Variants in SIPA1L3 observed in about 807,000 individuals in gnomAD.
SIPA1L3 encodes the protein signal induced proliferation associated 1 like 3.
Under a neutral mutation model 150.1 loss-of-function variants are expected in SIPA1L3, and 59 were observed. The observed-to-expected ratio is 0.39, with a 90% CI of 0.32 to 0.49. The LOEUF is 0.49. SIPA1L3 is among the 20% of genes least tolerant of loss of function. The probability of loss-of-function intolerance (pLI) is 0.86; values close to 1 mark genes in which losing one functional copy is unlikely to be tolerated. For synonymous variants in SIPA1L3, 1,070 were observed against 1,077.6 expected, an observed-to-expected ratio of 0.99 and a Z score of 0.14; for missense variants, 2,211 against 2,489.5, an observed-to-expected ratio of 0.89 and a Z score of 2.38.
intron 2 of SIPA1L3, among the ~76,000 whole-genome samples, chr19:38,070,556 T>C (rs998451716): frequency 4.6e-5 from 7 of 152,084 alleles, no homozygotes; most frequent in African/African-American, 1.7e-4. Flanking sequence ...GGATTTCGAG[T>C]GTTTGGTGCT....
intron 1 of SIPA1L3, among the ~76,000 whole-genome samples, chr19:37,959,310 T>C (rs2046837253): frequency 6.6e-6 from 1 of 152,180 alleles, no homozygotes. Flanking sequence ...CAGAATGCGA[T>C]ATAGACCCAC....
chr19:38,008,836 A>G (rs1281329249), intron 1 of SIPA1L3, among the ~76,000 whole-genome samples: 2 of 152,116 alleles, frequency 1.3e-5, no homozygotes, highest in South Asian at 2.1e-4. Context: ...CTGAGATTAC[A>G]GGCATGAGCC....
chr19:38,000,910 A>ATATATATG (rs370268710), intron 1 of SIPA1L3, among the ~76,000 whole-genome samples: 8 of 79,184 alleles, frequency 1.0e-4, no homozygotes, highest in African/African-American at 4.8e-4. Context: ...ATATATATAT[A>ATATATATG]ACATATATAT....
chr19:38,032,514 C>T (rs1034773218), intron 2 of SIPA1L3, among the ~76,000 whole-genome samples: 18 of 152,152 alleles, frequency 1.2e-4, no homozygotes, highest in Non-Finnish European at 1.5e-5. Flanking sequence ...AACGGACATC[C>T]TACTGGAGAA....
intron 19 of SIPA1L3, 143 bp from the exon 20 acceptor site, chr19:38,201,719 A>C (rs995219310): frequency 2.3e-6 from 2 of 865,740 alleles, no homozygotes; most frequent in African/African-American, 3.4e-5. Flanking sequence ...TTTTTTGGCA[A>C]GAATCTATCT....
intron 5 of SIPA1L3, 65 bp downstream of exon 5, chr19:38,100,215 CT>C (rs1970470603): frequency 8.0e-7 from 1 of 1,245,602 alleles, no homozygotes; most frequent in African/African-American, 1.6e-5. Flanking sequence ...CTCCTGGTAG[CT>C]TTTTCTATCT....
chr19:38,000,451 G>A (rs1320371794), intron 1 of SIPA1L3, among the ~76,000 whole-genome samples: 1 of 136,006 alleles, frequency 7.4e-6, no homozygotes, highest in African/African-American at 2.8e-5. Context: ...CTGGGCAACA[G>A]AGTGCACAGA....
chr19:38,130,438 G>T (rs547845127), intron 9 of SIPA1L3, 60 bp from the exon 10 acceptor site: 58 of 1,546,746 alleles, frequency 3.7e-5, no homozygotes, highest in South Asian at 2.3e-4. Context: ...GTGACCAGGG[G>T]TCTTCCAGAG....
In SIPA1L3 at chr19:38,193,720, C is replaced by T; in HGVS notation, c.4780C>T (p.His1594Tyr). 6.4e-7 allele frequency: 1 copy of T among 1,567,898 alleles called. No individual in the cohort carries two copies. Among genetic ancestry groups the T allele is most frequent in the South Asian group, 1.2e-5 (1 of 86,810 alleles). ...LPARRQHQHP[H>Y]PPVGPGATPA... is the part of the protein sequence containing the mutation. ...TGCACGCCGCCAGCACCAGCACCCC[C>T]ACCCGCCCGTCGGCCCCGGTGCCAC... The change falls in exon 18 of 22, where the codon CAC (histidine) becomes TAC (tyrosine). Residue 1594 changes from histidine (H) to tyrosine (Y), a missense_variant. By Grantham distance (83) the His-to-Tyr change is moderately conservative. Around this residue, in one of 5 missense-constraint regions of SIPA1L3, gnomAD observed 806 missense variants for 870.1 expected, o/e 0.93. Coordinates refer to ENST00000222345, the MANE Select transcript of SIPA1L3 (RefSeq NM_015073.3).
Position 38,047,805 on chromosome 19 carries a change from C to T in SIPA1L3, c.-311+18649C>T, listed in dbSNP as rs1467799078. ...GGCAGTCCAGATCCTGAAGTCCGAC[C>T]TTTGATTCAGGAACAGAGCAGCTGC... On this transcript the variant is annotated intron_variant, in intron 2 of 21. Transcript: ENST00000222345. The surrounding 1 kb of genome is among the most constrained non-coding windows in gnomAD (Gnocchi z 4.7). Among the ~76,000 whole-genome samples, 1 of 152,204 alleles carries T rather than the reference C, an allele frequency of 6.6e-6. No homozygotes were observed. The highest frequency in any genetic ancestry group is 1.5e-5 in the Non-Finnish European group (1 of 68,050).
intron 2 of SIPA1L3, among the ~76,000 whole-genome samples, chr19:38,034,410 G>A (rs1031872063): frequency 1.3e-5 from 2 of 152,050 alleles, no homozygotes; most frequent in Admixed American, 1.3e-4. Flanking sequence ...ACTGAGGCAC[G>A]AGTGGTGAAG....
chr19:38,098,847 A>G (rs1476562687), intron 4 of SIPA1L3, among the ~76,000 whole-genome samples: 2 of 152,208 alleles, frequency 1.3e-5, no homozygotes, highest in African/African-American at 4.8e-5. Flanking sequence ...CTGACTGCAC[A>G]TCAGAAGCAC....
intron 15 of SIPA1L3, among the ~76,000 whole-genome samples, chr19:38,176,866 G>C (rs569381485): frequency 2.0e-5 from 3 of 152,164 alleles, no homozygotes; most frequent in Non-Finnish European, 4.4e-5. Flanking sequence ...AGCTACTCGA[G>C]AGGCTGAGGC....
At chr19:37,999,674 G>A (rs533959203) in intron 1 of SIPA1L3, among the ~76,000 whole-genome samples, 17 of 152,234 alleles carry the variant, frequency 1.1e-4, no homozygotes, top group Non-Finnish European at 2.5e-4. Flanking sequence ...TGTTTCTTGG[G>A]TAGCCCAGTG....
At chr19:38,071,201 T>TTATCTATC (rs60942211) in intron 2 of SIPA1L3, among the ~76,000 whole-genome samples, 3,942 of 142,238 alleles carry the variant, frequency 0.028, 74 homozygotes, top group East Asian at 0.039. Flanking sequence ...TTATGTTGTT[T>TTATCTATC]TATCTATCTA....
intron 1 of SIPA1L3, among the ~76,000 whole-genome samples, chr19:37,941,207 T>C (rs2046654146): frequency 1.3e-5 from 2 of 152,076 alleles, no homozygotes; most frequent in Non-Finnish European, 2.9e-5. Context: ...GGGGCCCCTT[T>C]CTGTATTGGT....
chr19:37,974,024 A>G (rs1967013563), intron 1 of SIPA1L3, among the ~76,000 whole-genome samples: 1 of 152,204 alleles, frequency 6.6e-6, no homozygotes, highest in Non-Finnish European at 1.5e-5. Flanking sequence ...TGGGCAGCCC[A>G]GAGGCAAAGT....
chr19:38,157,016 T>A (rs982555384), intron 13 of SIPA1L3, among the ~76,000 whole-genome samples: 13 of 151,488 alleles, frequency 8.6e-5, no homozygotes, highest in African/African-American at 2.2e-4. Context: ...TAAAAAAATA[T>A]AGCTAGGTGT....
intron 15 of SIPA1L3, among the ~76,000 whole-genome samples, chr19:38,179,085 G>A (rs527560140): frequency 3.3e-5 from 5 of 152,200 alleles, no homozygotes; most frequent in Non-Finnish European, 5.9e-5. Context: ...TATTGTTTCT[G>A]TATGTCTACT....
Sources: allele counts gnomAD v4.1 joint callset (sites outside exome capture counted in the v4.1 genomes callset), GRCh38; gene constraint gnomAD v4.1.1; regional missense constraint gnomAD v4.1.1; non-coding constraint Gnocchi (gnomAD v3.1); transcripts MANE v1.5; gene names NCBI Gene and HGNC (gene_info 2026-07-23, HGNC 2026-07-21).